CLCN5: variants seen among roughly 807,000 people sequenced by gnomAD.
CLCN5 encodes the protein Cl-/H+ antiporter 5.
CLCN5 carries 17 observed loss-of-function variants against 54.0 expected under a neutral mutation model. That is an observed-to-expected ratio of 0.31 (90% CI 0.22 to 0.47). CLCN5 has a LOEUF of 0.47. Among genes scored for constraint, CLCN5 ranks in the 20% least tolerant of loss-of-function variants. The pLI is 1.00. For synonymous variants in CLCN5, 222 were observed against 233.0 expected (o/e 0.95, Z 0.43); for missense variants, 448 against 646.7 (o/e 0.69, Z 3.33).
chrX:50,056,366 C>T (rs1354121734), intron 4 of CLCN5, among the ~76,000 whole-genome samples: 2 of 111,403 alleles, frequency 1.8e-5, no homozygotes, highest in Admixed American at 1.9e-4. Context: ...TGTCTCCCTA[C>T]CCATCACATT....
At chrX:49,996,787 A>G (rs982175543) in intron 3 of CLCN5, among the ~76,000 whole-genome samples, 3 of 111,875 alleles carry the variant, frequency 2.7e-5, no homozygotes, top group Non-Finnish European at 5.6e-5. Flanking sequence ...AGTCCACCTC[A>G]TTATTATTAT....
Position 49,985,951 on chromosome X carries a change from T to C in CLCN5, c.17-56365T>C, listed in dbSNP as rs192580033. On this transcript the variant is annotated intron_variant, in intron 3 of 14. Coordinates refer to ENST00000376091, the MANE Select transcript of CLCN5 (RefSeq NM_001127898.4). ...CATTTTTAACTTAGCAGTGAACTTT[T>C]CTTTTTAAATTCATACTCTAGTAAA... Among the ~76,000 whole-genome samples, 751 of 111,901 alleles carry C rather than the reference T, an allele frequency of 6.7e-3. 4 individuals carry two copies. The highest frequency in any genetic ancestry group is 0.023 in the African/African-American group (696 of 30,920).
At chrX:49,923,607 C>T (rs1925183092) in intron 2 of CLCN5, 125 bp downstream of exon 2, 1 of 112,193 alleles carries the variant, frequency 8.9e-6, no homozygotes, top group Non-Finnish European at 1.9e-5. Flanking sequence ...TTCGCCTAGT[C>T]CCACGGGACG....
chrX:50,060,990 A>G (rs1932849984), intron 4 of CLCN5, among the ~76,000 whole-genome samples: 1 of 86,472 alleles, frequency 1.2e-5, no homozygotes, highest in Non-Finnish European at 2.2e-5. Context: ...GGACATCCAC[A>G]CCAAAAACCC....
chrX:49,977,043 A>G (rs1928515450), intron 3 of CLCN5, among the ~76,000 whole-genome samples: 1 of 111,909 alleles, frequency 8.9e-6, no homozygotes, highest in Non-Finnish European at 1.9e-5. Context: ...ATAAGCTTGC[A>G]TCATAAATAG....
intron 4 of CLCN5, among the ~76,000 whole-genome samples, chrX:50,068,956 T>C (rs1280898045): frequency 1.8e-5 from 2 of 112,142 alleles, no homozygotes; most frequent in Non-Finnish European, 3.8e-5. Context: ...TGAATCAAGT[T>C]TAAGCCTTGT....
chrX:49,980,056 G>A (rs782235991), intron 3 of CLCN5, among the ~76,000 whole-genome samples: 1 of 111,241 alleles, frequency 9.0e-6, no homozygotes, highest in Non-Finnish European at 1.9e-5. Context: ...TAAAAATCTA[G>A]TACTGTCTAA....
At chrX:49,953,515 A>T (rs914243611) in intron 3 of CLCN5, among the ~76,000 whole-genome samples, 1 of 110,889 alleles carries the variant, frequency 9.0e-6, no homozygotes, top group Non-Finnish European at 1.9e-5. Flanking sequence ...TATGTTGCCC[A>T]GGCTGGTCTT....
chrX:50,080,511 C>G (rs1188205296), intron 7 of CLCN5, 83 bp from the exon 8 acceptor site: 5 of 823,237 alleles, frequency 6.1e-6, no homozygotes, highest in Non-Finnish European at 8.3e-6. Context: ...ACTTTTTTTC[C>G]TGAAAAAACA....
intron 3 of CLCN5, among the ~76,000 whole-genome samples, chrX:50,025,992 T>C (rs1158241243): frequency 3.6e-5 from 4 of 112,293 alleles, no homozygotes; most frequent in Admixed American, 2.8e-4. Flanking sequence ...TATAGATCTT[T>C]CTTCTTTATT....
At chrX:49,966,021 A>G (rs950731291) in intron 3 of CLCN5, among the ~76,000 whole-genome samples, 21 of 111,032 alleles carry the variant, frequency 1.9e-4, no homozygotes, top group Non-Finnish European at 3.6e-4. Context: ...AAATGTTTAC[A>G]TGTATGTTTA....
chrX:50,060,648 G>A (rs1309856574), intron 4 of CLCN5, among the ~76,000 whole-genome samples: 1 of 110,876 alleles, frequency 9.0e-6, no homozygotes, highest in African/African-American at 3.3e-5. Context: ...ACTGGGTGGA[G>A]CCCACCACAG....
At chrX:50,083,100 A>C (rs1359462761) in intron 9 of CLCN5, among the ~76,000 whole-genome samples, 1 of 111,050 alleles carries the variant, frequency 9.0e-6, no homozygotes, top group Non-Finnish European at 1.9e-5. Flanking sequence ...TTGAATTACA[A>C]AGAAGTCACA....
In CLCN5 at chrX:50,096,754, A is replaced by G. The variant is rs181122193; in HGVS notation, c.*4535A>G. 2.7e-5 allele frequency: 3 copies of G among 112,332 alleles called. No homozygotes were observed. The East Asian group carries it at 8.5e-4, about 32-fold the overall frequency. The allele number at this position is 112,332 out of a possible 1,213,427, so 9.3% of individuals were successfully genotyped here. A position where few individuals can be genotyped will look rare whatever the true frequency, so the allele number is the denominator to read the frequency against. ...GATGGTGGAAGGAAAGCCATCCCAC[A>G]CCCCTACAACATATGTTCTGGCATT... On this transcript the variant is annotated 3_prime_UTR_variant, in exon 15 of 15. Coordinates refer to ENST00000376091, the MANE Select transcript of CLCN5 (RefSeq NM_001127898.4).
intron 3 of CLCN5, among the ~76,000 whole-genome samples, chrX:49,993,407 A>G (rs1284384161): frequency 8.9e-6 from 1 of 112,133 alleles, no homozygotes; most frequent in Non-Finnish European, 1.9e-5. Context: ...TTCATGTGCT[A>G]AATTCCAAAG....
intron 3 of CLCN5, among the ~76,000 whole-genome samples, chrX:49,986,362 T>C (rs1569538002): frequency 8.9e-6 from 1 of 112,023 alleles, no homozygotes; most frequent in Non-Finnish European, 1.9e-5. Flanking sequence ...AAATGGTGTA[T>C]TTAATTTCAA....
intron 3 of CLCN5, among the ~76,000 whole-genome samples, chrX:49,987,603 T>C (rs1185326940): frequency 8.9e-6 from 1 of 112,235 alleles, no homozygotes; most frequent in Non-Finnish European, 1.9e-5. Context: ...GAAGTACTTA[T>C]GTGCCACAAA....
chrX:49,953,182 G>A (rs1927141408), intron 3 of CLCN5, among the ~76,000 whole-genome samples: 1 of 109,436 alleles, frequency 9.1e-6, no homozygotes, highest in Non-Finnish European at 1.9e-5. Context: ...CACTGTGCCC[G>A]GCCGTGTGTG....
intron 7 of CLCN5, among the ~76,000 whole-genome samples, chrX:50,077,617 A>T (rs1472062969): frequency 0.033 from 3,005 of 91,144 alleles, 178 homozygotes; most frequent in African/African-American, 0.14. Flanking sequence ...AGAGAGAGAG[A>T]GAGAGTGTGT....
Sources: gnomAD v4.1 joint callset for allele counts (sites outside exome capture counted in the v4.1 genomes callset) on GRCh38, gnomAD v4.1.1 for gene constraint, MANE v1.5 for transcripts, NCBI Gene and HGNC (gene_info 2026-07-23, HGNC 2026-07-21) for gene names.